The following RABGAP1L variants were observed in gnomAD, a reference collection of about 807,000 sequenced individuals.
The protein encoded by RABGAP1L is rab GTPase-activating protein 1-like.
RABGAP1L carries 63 observed loss-of-function variants against 137.7 expected under a neutral mutation model. The ratio of observed to expected loss-of-function variants is 0.46; its 90% CI spans 0.37 to 0.56. The LOEUF (loss-of-function observed/expected upper bound fraction) is 0.56. Ranked by LOEUF, RABGAP1L falls within the 20% of genes least tolerant of loss-of-function variation. RABGAP1L has a pLI of 0.00. For synonymous variants in RABGAP1L, 431 were observed against 433.7 expected (o/e 0.99, Z 0.08); for missense variants, 1,095 against 1,244.0 (o/e 0.88, Z 1.80).
chr1:174,346,023 A>G (rs1682395718), intron 11 of RABGAP1L, among the ~76,000 whole-genome samples: 1 of 152,092 alleles, frequency 6.6e-6, no homozygotes, highest in Non-Finnish European at 1.5e-5. Flanking sequence ...TTTGTCCTTC[A>G]TTCTGTTGAT....
At chr1:174,573,207 G>T (rs994764513) in intron 13 of RABGAP1L, among the ~76,000 whole-genome samples, 1 of 147,550 alleles carries the variant, frequency 6.8e-6, no homozygotes, top group Non-Finnish European at 1.5e-5. Flanking sequence ...GTATATATGT[G>T]TGACATATAT....
intron 21 of RABGAP1L, among the ~76,000 whole-genome samples, chr1:174,972,850 T>G (rs1670262221): frequency 1.7e-5 from 1 of 57,586 alleles, no homozygotes; most frequent in South Asian, 5.2e-4. Context: ...CGAGACTCTG[T>G]CTCAAAAAAA....
At chr1:174,401,681 T>G (rs1217660147) in intron 13 of RABGAP1L, among the ~76,000 whole-genome samples, 1 of 152,180 alleles carries the variant, frequency 6.6e-6, no homozygotes, top group Non-Finnish European at 1.5e-5. Flanking sequence ...GAGGCTATGC[T>G]AAGCACTAGA....
chr1:174,242,424 A>G (rs959284908), intron 5 of RABGAP1L, among the ~76,000 whole-genome samples: 4 of 152,354 alleles, frequency 2.6e-5, no homozygotes, highest in East Asian at 1.9e-4. Context: ...GTGGATGGCA[A>G]TGTCTCAGGT....
At chr1:174,428,323 A>T (rs1426649479) in intron 13 of RABGAP1L, among the ~76,000 whole-genome samples, 1 of 152,180 alleles carries the variant, frequency 6.6e-6, no homozygotes, top group African/African-American at 2.4e-5. Flanking sequence ...AATGCAGTGT[A>T]TTGGATGGAA....
At chr1:174,275,610 G>A (rs1674932281) in intron 8 of RABGAP1L, among the ~76,000 whole-genome samples, 1 of 152,076 alleles carries the variant, frequency 6.6e-6, no homozygotes, top group African/African-American at 2.4e-5. Flanking sequence ...TTATCCAAGG[G>A]TACATGTCTT....
At chr1:174,564,389 C>T (rs1171565767) in intron 13 of RABGAP1L, among the ~76,000 whole-genome samples, 1 of 152,126 alleles carries the variant, frequency 6.6e-6, no homozygotes. Context: ...AGGATATCAG[C>T]TACTCTACCA....
intron 10 of RABGAP1L, among the ~76,000 whole-genome samples, chr1:174,289,196 C>A (rs1399690697): frequency 1.3e-5 from 2 of 152,098 alleles, no homozygotes; most frequent in Non-Finnish European, 1.5e-5. Context: ...GGCCACCACA[C>A]CCACCTAATT....
chr1:174,368,092 C>G (rs1365260421), intron 11 of RABGAP1L: 1 of 152,324 alleles, frequency 6.6e-6, no homozygotes, highest in Non-Finnish European at 1.5e-5. Context: ...GAGTTGGAGG[C>G]CTGCCATCTC....
chr1:174,745,743 T>A (rs1317612925), intron 17 of RABGAP1L, among the ~76,000 whole-genome samples: 1 of 152,238 alleles, frequency 6.6e-6, no homozygotes, highest in Non-Finnish European at 1.5e-5. Context: ...CTAGTGTTTA[T>A]CGAATATTTA....
intron 13 of RABGAP1L, among the ~76,000 whole-genome samples, chr1:174,401,965 A>G (rs1648644035): frequency 6.6e-6 from 1 of 152,146 alleles, no homozygotes; most frequent in African/African-American, 2.4e-5. Context: ...GAAGTTCAGT[A>G]TGACCCATGG....
intron 20 of RABGAP1L, among the ~76,000 whole-genome samples, chr1:174,965,725 C>G (rs1669560363): frequency 1.3e-5 from 2 of 152,216 alleles, no homozygotes; most frequent in Admixed American, 1.3e-4. Flanking sequence ...TGCTTTCCCA[C>G]TTGTCTGTGA....
rs746379130 is a variant in RABGAP1L at position 174,201,260 on chromosome 1, AT to A, written c.-33-17847del. On this transcript the variant is annotated intron_variant, in intron 1 of 25. Transcript: ENST00000681986. ...GTGAGCCACCACACCCAGTGTAGAA[AT>A]TTTTTTTTTTTTTTTTTGAGATGGA... Among the ~76,000 whole-genome samples, 436 of 139,856 alleles carry A rather than the reference AT, an allele frequency of 3.1e-3. 2 individuals are homozygous for A. Among genetic ancestry groups the A allele is most frequent in the East Asian group, 0.011 (51 of 4,816 alleles). 91.8% of individuals were successfully genotyped at this position (139,856 alleles called of 152,430 possible).
intron 14 of RABGAP1L, among the ~76,000 whole-genome samples, chr1:174,638,196 T>C (rs1674220147): frequency 6.6e-6 from 1 of 152,150 alleles, no homozygotes. Context: ...AATTTGGTAA[T>C]AATATGGAGA....
At chr1:174,814,493 C>T (rs1275482736) in intron 19 of RABGAP1L, among the ~76,000 whole-genome samples, 2 of 152,088 alleles carry the variant, frequency 1.3e-5, no homozygotes, top group Admixed American at 1.3e-4. Context: ...CATAAGTCAT[C>T]CAGTATTGGG....
At chr1:174,686,742 C>T (rs552361676) in intron 15 of RABGAP1L, among the ~76,000 whole-genome samples, 32 of 149,388 alleles carry the variant, frequency 2.1e-4, no homozygotes, top group Admixed American at 3.4e-4. Flanking sequence ...ATGAAACCTC[C>T]GCCTCCTGGG....
intron 1 of RABGAP1L, among the ~76,000 whole-genome samples, chr1:174,168,481 ATG>A (rs1464066585): frequency 6.6e-6 from 1 of 151,712 alleles, no homozygotes; most frequent in African/African-American, 2.4e-5. Flanking sequence ...TTTAAATCTC[ATG>A]AACTGTATTC....
At chr1:174,380,890 A>G (rs953100720) in intron 12 of RABGAP1L, among the ~76,000 whole-genome samples, 10 of 134,448 alleles carry the variant, frequency 7.4e-5, no homozygotes, top group African/African-American at 1.7e-4. Context: ...TAGGGTGTCA[A>G]TTTTGGATCT....
chr1:174,517,063 A>G (rs997769837), intron 13 of RABGAP1L, among the ~76,000 whole-genome samples: 9 of 152,072 alleles, frequency 5.9e-5, no homozygotes, highest in Admixed American at 5.2e-4. Flanking sequence ...GAGCTCATCA[A>G]TTATTCCAAA....
Sources: gnomAD v4.1 joint callset for allele counts (sites outside exome capture counted in the v4.1 genomes callset) on GRCh38, gnomAD v4.1.1 for gene constraint, MANE v1.5 for transcripts, NCBI Gene and HGNC (gene_info 2026-07-23, HGNC 2026-07-21) for gene names.